NRXN2: variants seen among roughly 807,000 people sequenced by gnomAD.
NRXN2 encodes neurexin-2-beta.
Under a neutral mutation model 128.8 loss-of-function variants are expected in NRXN2, and 29 were observed. That is an observed-to-expected ratio of 0.23 (90% CI 0.17 to 0.31). The LOEUF (loss-of-function observed/expected upper bound fraction) is 0.31. Among genes scored for constraint, NRXN2 ranks in the 10% least tolerant of loss-of-function variants. The pLI, the probability that NRXN2 is intolerant of heterozygous loss-of-function variation, is 1.00. For missense variants in NRXN2, 1,881 were observed against 2,452.6 expected (o/e 0.77, Z 4.92); for synonymous variants, 1,098 against 1,075.2 (o/e 1.02, Z -0.41).
intron 4 of NRXN2, among the ~76,000 whole-genome samples, chr11:64,691,401 CCAGTGAACCTATATACT>C (rs2053783756): frequency 6.6e-6 from 1 of 152,196 alleles, no homozygotes; most frequent in African/African-American, 2.4e-5. Flanking sequence ...TCTCCCCGCT[CCAGTGAACCTATATACT>C]CAGCACCTGG....
chr11:64,665,558 C>A (rs946038494), intron 9 of NRXN2, among the ~76,000 whole-genome samples: 2 of 152,152 alleles, frequency 1.3e-5, no homozygotes, highest in Non-Finnish European at 2.9e-5. Context: ...TGAGACACAC[C>A]CCGGGGATGA....
intron 18 of NRXN2, among the ~76,000 whole-genome samples, chr11:64,634,143 C>T (rs1158432662): frequency 6.6e-6 from 1 of 152,176 alleles, no homozygotes; most frequent in Non-Finnish European, 1.5e-5. Context: ...ACTATGCCCT[C>T]CTGAAAGCCA....
intron 6 of NRXN2, among the ~76,000 whole-genome samples, chr11:64,679,194 G>A (rs778386063): frequency 1.5e-4 from 23 of 152,182 alleles, no homozygotes; most frequent in South Asian, 4.1e-4. Context: ...TGCACTAGTC[G>A]AACAAGGCAG....
chr11:64,612,314 C>T (rs1231988133), intron 22 of NRXN2, among the ~76,000 whole-genome samples: 1 of 152,184 alleles, frequency 6.6e-6, no homozygotes, highest in African/African-American at 2.4e-5. Context: ...CAGCTCTACA[C>T]TAAGGATGCA....
rs772801917 is a variant in NRXN2 at position 64,610,469 on chromosome 11, A to G, written c.4253-2387T>C. On this transcript the variant is annotated intron_variant, in intron 22 of 22. Coordinates refer to ENST00000265459, the MANE Select transcript of NRXN2 (RefSeq NM_015080.4). Reference sequence around the variant, plus strand: ...CAAGAAAACCTAAGTCATCCTCCCAATGCCTCCAGGAATCTGTTGGGGCTG... The same window carrying G: ...CAAGAAAACCTAAGTCATCCTCCCAGTGCCTCCAGGAATCTGTTGGGGCTG... Among the ~76,000 whole-genome samples the G allele has an allele frequency of 2.0e-4, 30 of 152,120 alleles. 1 individual carries two copies. Among genetic ancestry groups the G allele is most frequent in the Middle Eastern group, 6.8e-3 (2 of 294 alleles).
chr11:64,613,889 T>C (rs1241401672), intron 22 of NRXN2, among the ~76,000 whole-genome samples: 2 of 152,126 alleles, frequency 1.3e-5, no homozygotes, highest in African/African-American at 4.8e-5. Flanking sequence ...TGCACACCGT[T>C]GCTCATGAGA....
rs148028811 is a variant in NRXN2 at position 64,685,874 on chromosome 11, C to T, written c.924G>A (p.Gln308=). Residue 308 remains glutamine (Q), a synonymous_variant, in exon 6 of 23, where the codon CAG becomes CAA. Transcript: ENST00000265459. ...FCYDLSHNPI[Q]SSTDEITLAF... ...CCAGTGTGATCTCATCAGTGCTGCT[C>T]TGGATGGGGTTGTGTGACAGGTCGT... 2.7e-4 allele frequency: 430 copies of T among 1,614,204 alleles called. No homozygotes were observed. In the African/African-American group the frequency reaches 5.4e-3, roughly 20 times the overall value.
At chr11:64,639,919 G>C (rs1314271480) in intron 17 of NRXN2, among the ~76,000 whole-genome samples, 4 of 152,122 alleles carry the variant, frequency 2.6e-5, no homozygotes, top group Admixed American at 2.0e-4. Context: ...GTCCCAAGAA[G>C]AGCCTGTCTT....
At chr11:64,644,400 C>T (rs560214994) in intron 17 of NRXN2, among the ~76,000 whole-genome samples, 1 of 152,310 alleles carries the variant, frequency 6.6e-6, no homozygotes, top group South Asian at 2.1e-4. Flanking sequence ...TCCCCCAGCC[C>T]CAACCTCTCC....
intron 7 of NRXN2, among the ~76,000 whole-genome samples, chr11:64,672,666 G>T (rs1440946747): frequency 1.3e-5 from 2 of 152,136 alleles, no homozygotes; most frequent in Admixed American, 1.3e-4. Flanking sequence ...TAGGGGAAAG[G>T]TCCTGGCATC....
chr11:64,652,179 G>GCACCATTTACTCA (rs2047554433), intron 12 of NRXN2, 25 bp from the exon 13 acceptor site: 1 of 1,604,772 alleles, frequency 6.2e-7, no homozygotes, highest in Admixed American at 1.7e-5. Context: ...GGGGAATGAG[G>GCACCATTTACTCA]AGGGCACCTA....
intron 2 of NRXN2, among the ~76,000 whole-genome samples, chr11:64,700,515 C>G (rs1441850787): frequency 6.6e-6 from 1 of 152,194 alleles, no homozygotes. Flanking sequence ...AGCCTCACTG[C>G]AACACAGAGC....
chr11:64,709,190 C>CAA (rs112450142), intron 2 of NRXN2, among the ~76,000 whole-genome samples: 171 of 82,096 alleles, frequency 2.1e-3, no homozygotes, highest in Non-Finnish European at 2.9e-3. Flanking sequence ...GACTCCATCT[C>CAA]AAAAAAAAAA....
intron 12 of NRXN2, 43 bp from the exon 13 acceptor site, chr11:64,652,197 T>C (rs1406638877): frequency 6.3e-7 from 1 of 1,586,390 alleles, no homozygotes; most frequent in Non-Finnish European, 8.6e-7. Context: ...CTATACATGC[T>C]CATAGGTGAC....
intron 22 of NRXN2, among the ~76,000 whole-genome samples, chr11:64,613,878 G>A (rs1308318991): frequency 2.6e-5 from 4 of 152,182 alleles, no homozygotes; most frequent in Admixed American, 2.0e-4. Context: ...AAAGCATGTG[G>A]TGCACACCGT....
intron 17 of NRXN2, among the ~76,000 whole-genome samples, chr11:64,637,023 G>T (rs1474355962): frequency 6.6e-6 from 1 of 152,206 alleles, no homozygotes; most frequent in Admixed American, 6.5e-5. Context: ...TTGTTGCCTG[G>T]TTCCCAAAGA....
rs774839350 is a variant in NRXN2 at position 64,607,725 on chromosome 11, T to C, written c.4610A>G (p.Asn1537Ser). 13 of 1,562,430 alleles carry C rather than the reference T, an allele frequency of 8.3e-6. No individual in the cohort carries two copies. The South Asian group carries it at 1.3e-4, about 16-fold the overall frequency. The change falls in exon 23 of 23, where the codon AAC becomes AGC. Residue 1537 changes from asparagine (N) to serine (S), a missense_variant. By Grantham distance (46) the Asn-to-Ser change is conservative. Coordinates refer to ENST00000265459, the MANE Select transcript of NRXN2 (RefSeq NM_015080.4). Reference sequence around the variant, plus strand: ...GCCCGTGGCCCCATCTGTCCTGAGGTTGGGCCGGGGAGCGGGTTTGCGGGG... The same window carrying C: ...GCCCGTGGCCCCATCTGTCCTGAGGCTGGGCCGGGGAGCGGGTTTGCGGGG... ...LSPRKPAPRP[N>S]LRTDGATGAP...
At chr11:64,684,091 T>TC (rs1307887357) in intron 6 of NRXN2, among the ~76,000 whole-genome samples, 2 of 152,120 alleles carry the variant, frequency 1.3e-5, no homozygotes, top group African/African-American at 4.8e-5. Flanking sequence ...TGTCTTTTTT[T>TC]CCCCCTCTGT....
At chr11:64,661,881 C>T (rs2049077844) in intron 9 of NRXN2, among the ~76,000 whole-genome samples, 1 of 152,150 alleles carries the variant, frequency 6.6e-6, no homozygotes, top group Non-Finnish European at 1.5e-5. Context: ...AGATTGGCTC[C>T]AGGGCCTGCG....
Sources: gnomAD v4.1 joint callset for allele counts (sites outside exome capture counted in the v4.1 genomes callset) on GRCh38, gnomAD v4.1.1 for gene constraint, MANE v1.5 for transcripts, NCBI Gene and HGNC (gene_info 2026-07-23, HGNC 2026-07-21) for gene names.